TTC22: variants seen among roughly 807,000 people sequenced by gnomAD.
TTC22 encodes tetratricopeptide repeat protein 22.
Under a neutral mutation model 48.2 loss-of-function variants are expected in TTC22, and 42 were observed. The ratio of observed to expected loss-of-function variants is 0.87; its 90% CI spans 0.68 to 1.13. TTC22 has a LOEUF of 1.13. Ranked by LOEUF, TTC22 falls within the 50% of genes most tolerant of loss-of-function variation. TTC22 has a pLI of 0.00. For missense variants in TTC22, 784 were observed against 807.0 expected (o/e 0.97, Z 0.34); for synonymous variants, 345 against 365.5 (o/e 0.94, Z 0.64).
At chr1:54,792,451 T>G (rs1646359087) in intron 1 of TTC22, among the ~76,000 whole-genome samples, 1 of 152,158 alleles carries the variant, frequency 6.6e-6, no homozygotes, top group African/African-American at 2.4e-5. Context: ...CTTTTTTTTT[T>G]TTTAGACGGA....
intron 1 of TTC22, among the ~76,000 whole-genome samples, chr1:54,799,328 G>A (rs2101476058): frequency 6.6e-6 from 1 of 152,354 alleles, no homozygotes; most frequent in South Asian, 2.1e-4. Context: ...GCCTCTGATA[G>A]CTACCCCTGA....
intron 1 of TTC22, among the ~76,000 whole-genome samples, chr1:54,790,984 C>T (rs1036504761): frequency 4.6e-5 from 7 of 152,100 alleles, no homozygotes; most frequent in African/African-American, 1.4e-4. Context: ...CTCAGCCTCC[C>T]GAGTAGCTGG....
At chr1:54,784,834 CTGTG>C (rs774118482) in intron 5 of TTC22, 42 of 1,296,292 alleles carry the variant, frequency 3.2e-5, no homozygotes, top group Non-Finnish European at 1.4e-5. Context: ...CACATGGGCT[CTGTG>C]TGGGCTCTAG....
At chr1:54,784,486 AT>A in intron 5 of TTC22, 1 of 952,370 alleles carries the variant, frequency 1.1e-6, no homozygotes, top group East Asian at 1.2e-4. Context: ...CATTTGTAGG[AT>A]GGACATGTCC....
At chr1:54,793,277 C>G (rs1006472629) in intron 1 of TTC22, among the ~76,000 whole-genome samples, 1 of 152,134 alleles carries the variant, frequency 6.6e-6, no homozygotes, top group African/African-American at 2.4e-5. Flanking sequence ...TTTGTAGACC[C>G]TGGTATGAGC....
rs1646263688 is a variant in TTC22, at chr1:54,781,628, A to G, written c.1325T>C (p.Leu442Pro). The G allele has an allele frequency of 2.0e-6, 3 of 1,530,310 alleles. No homozygotes were observed. The highest frequency in any genetic ancestry group is 2.6e-6 in the Non-Finnish European group (3 of 1,144,062). 94.8% of individuals were successfully genotyped at this position (1,530,310 alleles called of 1,614,324 possible). Residue 442 changes from leucine to proline, a missense_variant, in exon 7 of 7, where the codon CTG becomes CCG. Coordinates refer to ENST00000371276, the MANE Select transcript of TTC22 (RefSeq NM_001114108.2). ...GTTGGCGTCCTCGCCCTTGATGCGC[A>G]GGCACTTGCCGCGCAGCAGCTGCAG... ...PELQLLRGKC[L>P]RIKGEDANAA...
intron 5 of TTC22, among the ~76,000 whole-genome samples, chr1:54,784,152 G>C (rs1189376684): frequency 2.0e-5 from 3 of 152,240 alleles, no homozygotes; most frequent in Non-Finnish European, 4.4e-5. Flanking sequence ...AGAGGCCCAG[G>C]CCAGTAGGGT....
intron 5 of TTC22, chr1:54,785,595 T>G: frequency 2.2e-6 from 1 of 447,336 alleles, no homozygotes; most frequent in Non-Finnish European, 4.5e-6. Context: ...GAGGACTGCT[T>G]GAGCCCAGGA....
chr1:54,793,344 C>A (rs1448625793), intron 1 of TTC22, among the ~76,000 whole-genome samples: 2 of 152,192 alleles, frequency 1.3e-5, no homozygotes, highest in Non-Finnish European at 2.9e-5. Flanking sequence ...CACCTCCCAG[C>A]TCTTCTGAGG....
intron 1 of TTC22, among the ~76,000 whole-genome samples, chr1:54,800,348 G>T (rs1646423311): frequency 6.6e-6 from 1 of 152,226 alleles, no homozygotes; most frequent in South Asian, 2.1e-4. Context: ...AATTGTCCAG[G>T]TTGGGCTTGT....
In TTC22 at chr1:54,800,824, C is replaced by T. The variant is rs771370984; in HGVS notation, c.340G>A (p.Gly114Ser). ...ANLAHVYGRL[G>S]QEEEEEACAA... ...CACGCCTCCTCCTCTTCTTCCTGGCCCAGCCGCCCGTACACGTGTGCCAGA... is the reference window on the plus strand; with the variant it reads ...CACGCCTCCTCCTCTTCTTCCTGGCTCAGCCGCCCGTACACGTGTGCCAGA... The change falls in exon 1 of 7, where the codon GGC becomes AGC. Residue 114 changes from glycine to serine, a missense_variant. Transcript: ENST00000371276. 3.1e-6 allele frequency: 5 copies of T among 1,599,238 alleles called. No individual in the cohort carries two copies. The highest frequency in any genetic ancestry group is 1.7e-4 in the Middle Eastern group (1 of 5,988).
chr1:54,783,422 G>A (rs1328982758), intron 5 of TTC22, among the ~76,000 whole-genome samples: 1 of 152,168 alleles, frequency 6.6e-6, no homozygotes, highest in Non-Finnish European at 1.5e-5. Flanking sequence ...GAATTACCAT[G>A]ATGTCTGAAA....
intron 5 of TTC22, chr1:54,785,737 T>C (rs769352863): frequency 3.8e-4 from 186 of 490,698 alleles, no homozygotes; most frequent in Non-Finnish European, 6.0e-4. Flanking sequence ...TGCTTGAGCT[T>C]AGGAGGTCTA....
At position 54,786,853 on chromosome 1, in the gene TTC22, C is replaced by T. The variant is rs113999055; in HGVS notation, c.858+104G>A. 3.7e-3 allele frequency: 1,887 copies of T among 514,758 alleles called. 32 individuals are homozygous for T. The highest frequency in any genetic ancestry group is 0.034 in the African/African-American group (1,714 of 51,116). 31.9% of individuals were successfully genotyped at this position (514,758 alleles called of 1,614,324 possible). A position where few individuals can be genotyped will look rare whatever the true frequency, so the allele number is the denominator to read the frequency against. ...GTAAGTGTACTTCCTGGGTGGGCCA[C>T]GCGGTGGGGGTTGATACCCAGAGAA... On this transcript the variant is annotated intron_variant, in intron 4 of 6. Transcript: ENST00000371276.
chr1:54,800,659 G>C lies in TTC22; in HGVS notation c.505C>G (p.Arg169Gly), dbSNP rs752247681. The stretch of plus-strand genomic sequence containing the variant: ...ATGCCTGCCGCCAGCCCCCGCGCAC[G>C]CTCCTCTGGGCTGGCGCAGCCGACG... ...FDVGCASPEE[R>G]ARGLAAGIAL... is the part of the protein sequence containing the mutation. The change falls in exon 1 of 7, where the codon CGT becomes GGT. Residue 169 changes from arginine (R) to glycine (G), a missense_variant. By Grantham distance (125) the Arg-to-Gly change is moderately radical. Coordinates refer to ENST00000371276, the MANE Select transcript of TTC22 (RefSeq NM_001114108.2). The C allele has an allele frequency of 1.4e-4, 217 of 1,550,158 alleles. No individual in the cohort carries two copies. Among genetic ancestry groups the C allele is most frequent in the Non-Finnish European group, 1.8e-4 (203 of 1,159,332 alleles).
At chr1:54,788,799 G>A (rs1646327124) in intron 1 of TTC22, among the ~76,000 whole-genome samples, 1 of 152,070 alleles carries the variant, frequency 6.6e-6, no homozygotes, top group South Asian at 2.1e-4. Flanking sequence ...GGGGGAGGGG[G>A]ACCCATCATC....
rs1487695860 is a variant in TTC22, at chr1:54,801,252, C to G, written c.-89G>C. 4 of 1,386,704 alleles carry G rather than the reference C, an allele frequency of 2.9e-6. No individual in the cohort carries two copies. The highest frequency in any genetic ancestry group is 1.5e-5 in the African/African-American group (1 of 67,748). 85.9% of individuals were successfully genotyped at this position (1,386,704 alleles called of 1,614,324 possible). On this transcript the variant is annotated 5_prime_UTR_variant, in exon 1 of 7. Transcript: ENST00000371276. ...GGGCGTTCCCCGAGCGAGCTCCGTGCGGGAGGCGAGGGGCAGCCGGCAGAG... is the reference window on the plus strand; with the variant it reads ...GGGCGTTCCCCGAGCGAGCTCCGTGGGGGAGGCGAGGGGCAGCCGGCAGAG...
chr1:54,793,840 T>A (rs1646370451), intron 1 of TTC22, among the ~76,000 whole-genome samples: 2 of 151,970 alleles, frequency 1.3e-5, no homozygotes, highest in African/African-American at 4.8e-5. Flanking sequence ...TGGCACAGAG[T>A]GGTTAGGGCA....
chr1:54,797,926 G>C (rs564497497), intron 1 of TTC22, among the ~76,000 whole-genome samples: 1 of 152,172 alleles, frequency 6.6e-6, no homozygotes, highest in African/African-American at 2.4e-5. Context: ...GCTGCAGGGG[G>C]TCCCTCCTCC....
Sources: allele counts gnomAD v4.1 joint callset (sites outside exome capture counted in the v4.1 genomes callset), GRCh38; gene constraint gnomAD v4.1.1; transcripts MANE v1.5; gene names NCBI Gene and HGNC (gene_info 2026-07-23, HGNC 2026-07-21).